SLC35D4: variants seen among roughly 807,000 people sequenced by gnomAD.
SLC35D4 encodes the protein UDP-N-acetylglucosamine transporter SLC35D4.
At chr18:23,380,778 CTGTG>C in the SLC35D4 span, among the ~76,000 whole-genome samples, 1 of 150,366 alleles carries the variant, frequency 6.7e-6, no homozygotes, top group Non-Finnish European at 1.5e-5. Flanking sequence ...TACAGTCAAA[CTGTG>C]TGTGTGTGTG....
At chr18:23,426,488 C>T in the SLC35D4 span, among the ~76,000 whole-genome samples, 1 of 152,136 alleles carries the variant, frequency 6.6e-6, no homozygotes, top group African/African-American at 2.4e-5. Flanking sequence ...CCAAGGAGAA[C>T]TACAAACCAC....
chr18:23,431,976 C>T, the SLC35D4 span, among the ~76,000 whole-genome samples: 1 of 152,164 alleles, frequency 6.6e-6, no homozygotes, highest in Non-Finnish European at 1.5e-5. Flanking sequence ...TTAGTCCACA[C>T]AGAATTCCCC....
At chr18:23,384,427 G>A in the SLC35D4 span, among the ~76,000 whole-genome samples, 1 of 152,156 alleles carries the variant, frequency 6.6e-6, no homozygotes, top group South Asian at 2.1e-4. Flanking sequence ...TTCCTGATGT[G>A]CAGAGCACCT....
At chr18:23,418,695 G>A in the SLC35D4 span, among the ~76,000 whole-genome samples, 2 of 151,264 alleles carry the variant, frequency 1.3e-5, no homozygotes, top group African/African-American at 2.4e-5. Context: ...TCTCCAGAGT[G>A]CCAAAGGAGT....
the SLC35D4 span, among the ~76,000 whole-genome samples, chr18:23,431,971 C>G: frequency 1.3e-5 from 2 of 152,136 alleles, no homozygotes; most frequent in Non-Finnish European, 2.9e-5. Context: ...AGGGATTAGT[C>G]CACACAGAAT....
chr18:23,412,343 A>G, the SLC35D4 span, among the ~76,000 whole-genome samples: 1 of 152,108 alleles, frequency 6.6e-6, no homozygotes, highest in Non-Finnish European at 1.5e-5. Context: ...AAAAGAAACC[A>G]AGGTTCATGT....
the SLC35D4 span, among the ~76,000 whole-genome samples, chr18:23,329,959 C>A: frequency 1.8e-4 from 28 of 152,074 alleles, no homozygotes; most frequent in African/African-American, 6.5e-4. Context: ...GATAGAAAAC[C>A]AAACACAACA....
At chr18:23,278,811 G>GC in the SLC35D4 span, among the ~76,000 whole-genome samples, 2 of 152,006 alleles carry the variant, frequency 1.3e-5, no homozygotes, top group African/African-American at 4.8e-5. Context: ...TTCGAGGCCA[G>GC]CCTGGGCAAC....
the SLC35D4 span, among the ~76,000 whole-genome samples, chr18:23,246,462 G>A: frequency 6.6e-6 from 1 of 151,970 alleles, no homozygotes; most frequent in Non-Finnish European, 1.5e-5. Context: ...CAAGATCTTG[G>A]CTCACTGCAA....
the SLC35D4 span, among the ~76,000 whole-genome samples, chr18:23,283,498 GAAAGA>G: frequency 5.7e-5 from 8 of 139,344 alleles, no homozygotes; most frequent in Non-Finnish European, 9.3e-5. Context: ...AAAAAAGAAA[GAAAGA>G]AAAGAAAAGA....
chr18:23,372,714 T>A, the SLC35D4 span, among the ~76,000 whole-genome samples: 3 of 152,186 alleles, frequency 2.0e-5, no homozygotes, highest in African/African-American at 7.2e-5. Context: ...CAGAGCCCCC[T>A]GTATCTCGAG....
chr18:23,403,781 A>T, the SLC35D4 span, among the ~76,000 whole-genome samples: 1 of 152,214 alleles, frequency 6.6e-6, no homozygotes, highest in African/African-American at 2.4e-5. Context: ...AACTGGATCA[A>T]GGATCCTTTC....
At chr18:23,307,828 T>C in the SLC35D4 span, among the ~76,000 whole-genome samples, 1 of 152,182 alleles carries the variant, frequency 6.6e-6, no homozygotes, top group Non-Finnish European at 1.5e-5. Flanking sequence ...CCTGGGACTC[T>C]GAGTCCCCAC....
the SLC35D4 span, among the ~76,000 whole-genome samples, chr18:23,414,295 GAGGAAGGAAGGAAGGAAGGA>G: frequency 8.1e-6 from 1 of 124,130 alleles, no homozygotes; most frequent in East Asian, 2.5e-4. Flanking sequence ...AAAAGGAAAG[GAGGAAGGAAGGAAGGAAGGA>G]AGGAAGGAAG....
the SLC35D4 span, among the ~76,000 whole-genome samples, chr18:23,279,028 AAT>A: frequency 6.6e-6 from 1 of 151,228 alleles, no homozygotes; most frequent in African/African-American, 2.5e-5. Flanking sequence ...AAAAAAAAAA[AAT>A]TAAAAAAGAA....
At chr18:23,345,481 CAAAAAAAAA>C in the SLC35D4 span, among the ~76,000 whole-genome samples, 3 of 57,272 alleles carry the variant, frequency 5.2e-5, no homozygotes, top group Non-Finnish European at 9.3e-5. Context: ...GACTCCATCT[CAAAAAAAAA>C]AAAAAAAAAA....
chr18:23,313,076 G>A, the SLC35D4 span, among the ~76,000 whole-genome samples: 2 of 127,022 alleles, frequency 1.6e-5, no homozygotes, highest in Admixed American at 1.0e-4. Flanking sequence ...GCAGTGAGCC[G>A]AGATCACGCC....
the SLC35D4 span, among the ~76,000 whole-genome samples, chr18:23,390,717 G>A: frequency 6.6e-6 from 1 of 152,196 alleles, no homozygotes; most frequent in Non-Finnish European, 1.5e-5. Flanking sequence ...CTCTACAGAG[G>A]TGTGAACGAC....
the SLC35D4 span, among the ~76,000 whole-genome samples, chr18:23,311,152 A>T: frequency 6.9e-6 from 1 of 144,852 alleles, no homozygotes; most frequent in Non-Finnish European, 1.5e-5. Flanking sequence ...CCCAGGCTGG[A>T]GTGCAGTGGC....
Sources: allele counts gnomAD v4.1 joint callset (sites outside exome capture counted in the v4.1 genomes callset), GRCh38; gene constraint gnomAD v4.1.1; transcripts MANE v1.5; gene names NCBI Gene and HGNC (gene_info 2026-07-23, HGNC 2026-07-21).